Variants in TBCE observed in about 807,000 individuals in gnomAD.
The protein encoded by TBCE is tubulin-specific chaperone E.
Under a neutral mutation model 77.0 loss-of-function variants are expected in TBCE, and 53 were observed. The observed-to-expected ratio is 0.69, with a 90% CI of 0.55 to 0.87. The LOEUF (loss-of-function observed/expected upper bound fraction) is 0.87, where lower values mean the gene tolerates loss of function less well. Ranked by LOEUF, TBCE falls within the 40% of genes least tolerant of loss-of-function variation. TBCE has a pLI of 0.00. For synonymous variants in TBCE, 235 were observed against 241.3 expected, an observed-to-expected ratio of 0.97 and a Z score of 0.24; for missense variants, 624 against 622.4, an observed-to-expected ratio of 1.00 and a Z score of -0.03.
At chr1:235,402,469 A>G (rs1277292408) in intron 3 of TBCE, among the ~76,000 whole-genome samples, 1 of 152,106 alleles carries the variant, frequency 6.6e-6, no homozygotes, top group Non-Finnish European at 1.5e-5. Context: ...TGTCTTCTAA[A>G]TTTTTGTTGT....
chr1:235,442,007 A>ATTT, intron 14 of TBCE, 125 bp downstream of exon 14: 6 of 830,618 alleles, frequency 7.2e-6, no homozygotes, highest in South Asian at 1.6e-5. Context: ...TTTAAATGAA[A>ATTT]ATTTTTTTTT....
At chr1:235,402,065 CTT>C (rs55848781) in intron 3 of TBCE, among the ~76,000 whole-genome samples, 9 of 134,860 alleles carry the variant, frequency 6.7e-5, no homozygotes, top group Non-Finnish European at 8.0e-5. Flanking sequence ...ATTTCTTTGT[CTT>C]TTTTTTTTTT....
At chr1:235,441,598 CAG>C (rs1178392336) in intron 13 of TBCE, 1 of 573,440 alleles carries the variant, frequency 1.7e-6, no homozygotes, top group African/African-American at 1.9e-5. Context: ...AGATAAGCTA[CAG>C]AGTCTGCAGC....
chr1:235,401,890 C>T (rs116681938), intron 3 of TBCE, among the ~76,000 whole-genome samples: 4,099 of 131,768 alleles, frequency 0.031, 101 homozygotes, highest in Non-Finnish European at 0.044. Context: ...CTTTCTGGCT[C>T]ATTACCAATT....
chr1:235,413,948 G>A (rs1428080146), intron 3 of TBCE: 1 of 156,768 alleles, frequency 6.4e-6, no homozygotes, highest in Admixed American at 6.4e-5. Flanking sequence ...TCCACTTCCC[G>A]AGTTCAAACA....
chr1:235,417,290 C>T (rs1680162030), intron 4 of TBCE, among the ~76,000 whole-genome samples: 2 of 152,180 alleles, frequency 1.3e-5, no homozygotes, highest in African/African-American at 2.4e-5. Flanking sequence ...GGAGCGACAT[C>T]TGTCGGACAC....
intron 3 of TBCE, among the ~76,000 whole-genome samples, chr1:235,412,355 C>G (rs1029066801): frequency 7.0e-6 from 1 of 143,624 alleles, no homozygotes; most frequent in Admixed American, 7.2e-5. Flanking sequence ...CTCATACTTC[C>G]AAGTAGCGAA....
At chr1:235,373,346 TA>T (rs1677089128) in intron 1 of TBCE, among the ~76,000 whole-genome samples, 1 of 152,164 alleles carries the variant, frequency 6.6e-6, no homozygotes, top group Non-Finnish European at 1.5e-5. Flanking sequence ...AAGATGGTAG[TA>T]AATCAGAAAT....
intron 5 of TBCE, among the ~76,000 whole-genome samples, chr1:235,420,090 A>G (rs919431782): frequency 2.0e-5 from 3 of 148,724 alleles, no homozygotes; most frequent in African/African-American, 7.5e-5. Flanking sequence ...CTCAAAAAAA[A>G]AGAAAGGGGG....
chr1:235,394,449 A>G (rs1369819381), intron 2 of TBCE, among the ~76,000 whole-genome samples: 1 of 102,654 alleles, frequency 9.7e-6, no homozygotes, highest in Non-Finnish European at 1.8e-5. Context: ...TTTTTGAGAC[A>G]GGTTGTCACT....
chr1:235,442,467 G>A (rs1053756973), intron 14 of TBCE, among the ~76,000 whole-genome samples: 1 of 145,892 alleles, frequency 6.9e-6, no homozygotes, highest in Non-Finnish European at 1.5e-5. Flanking sequence ...ACCGCGCCCT[G>A]TCAAAGAAAT....
chr1:235,421,368 T>G (rs1397251127), intron 5 of TBCE, among the ~76,000 whole-genome samples: 1 of 152,090 alleles, frequency 6.6e-6, no homozygotes, highest in Non-Finnish European at 1.5e-5. Context: ...TGAGCCATGA[T>G]CATGCCACTG....
At chr1:235,441,676 G>T in intron 13 of TBCE, 138 bp from the exon 14 acceptor site, 1 of 746,214 alleles carries the variant, frequency 1.3e-6, no homozygotes, top group South Asian at 1.6e-5. Flanking sequence ...AAATCACACT[G>T]AATAAAGGCA....
chr1:235,440,780 C>T (rs1461304659), intron 13 of TBCE: 1 of 151,996 alleles, frequency 6.6e-6, no homozygotes, highest in African/African-American at 2.4e-5. Flanking sequence ...AGCTCTCGTC[C>T]CGAGGGCTCG....
Position 235,414,557 on chromosome 1 carries a change from G to A in TBCE, c.310G>A (p.Val104Ile), listed in dbSNP as rs773805966. Residue 104 changes from valine (V) to isoleucine (I), a missense_variant, in exon 4 of 17, where the codon GTT becomes ATT. By Grantham distance (29) the Val-to-Ile change is conservative. Coordinates refer to ENST00000642610, the MANE Select transcript of TBCE (RefSeq NM_003193.5). The part of the protein sequence containing the change: ...GPEEDRKEQI[V>I]TIGNKPVETI... ...AGAGGAAGATAGAAAAGAGCAAATTGTTACAATTGGAAATAAACCTGTGGA... is the reference window on the plus strand; with the variant it reads ...AGAGGAAGATAGAAAAGAGCAAATTATTACAATTGGAAATAAACCTGTGGA... The A allele has an allele frequency of 1.2e-5, 20 of 1,613,872 alleles. No individual in the cohort carries two copies. The highest frequency in any genetic ancestry group is 1.6e-4 in the Middle Eastern group (1 of 6,062).
rs1175793566 is a variant in TBCE, at chr1:235,433,277, G to A, written c.661-927G>A. 6.7e-6 allele frequency: 6 copies of A among 890,452 alleles called. No individual in the cohort carries two copies. The Admixed American group carries it at 2.2e-4, about 33-fold the overall frequency. The allele number at this position is 890,452 out of a possible 1,614,324, so 55.2% of individuals were successfully genotyped here. A position where few individuals can be genotyped will look rare whatever the true frequency, so the allele number is the denominator to read the frequency against. ...GCTCTGTTGCCTAGGCTGGAGTGCA[G>A]TGGTGTGATATTGGCTCACTGCAAC... On this transcript the variant is annotated intron_variant, in intron 7 of 16. Coordinates refer to ENST00000642610, the MANE Select transcript of TBCE (RefSeq NM_003193.5).
At chr1:235,428,985 A>ATATATATATATTTT (rs1553338383) in intron 6 of TBCE, 1 of 102,334 alleles carries the variant, frequency 9.8e-6, no homozygotes, top group African/African-American at 4.7e-5. Flanking sequence ...ATATATATAT[A>ATATATATATATTTT]TTTTTTTTTT....
chr1:235,419,797 G>C (rs907320666), intron 5 of TBCE, among the ~76,000 whole-genome samples: 3 of 152,128 alleles, frequency 2.0e-5, no homozygotes, highest in Admixed American at 6.6e-5. Flanking sequence ...CTTGAAAGGG[G>C]GCACACTTGG....
At chr1:235,402,253 G>A (rs1679158822) in intron 3 of TBCE, among the ~76,000 whole-genome samples, 1 of 151,870 alleles carries the variant, frequency 6.6e-6, no homozygotes, top group Non-Finnish European at 1.5e-5. Context: ...TAGTGGAGAC[G>A]AGGTTTCACC....
Sources: allele counts gnomAD v4.1 joint callset (sites outside exome capture counted in the v4.1 genomes callset), GRCh38; gene constraint gnomAD v4.1.1; transcripts MANE v1.5; gene names NCBI Gene and HGNC (gene_info 2026-07-23, HGNC 2026-07-21).